Variants in AKAP13 observed in about 807,000 individuals in gnomAD.
AKAP13 encodes A-kinase anchor protein 13.
AKAP13 carries 80 observed loss-of-function variants against 264.5 expected under a neutral mutation model. The observed-to-expected ratio is 0.30, with a 90% CI of 0.25 to 0.36. The LOEUF (loss-of-function observed/expected upper bound fraction) is 0.36. Ranked by LOEUF, AKAP13 falls within the 10% of genes least tolerant of loss-of-function variation. AKAP13 has a pLI of 1.00. For synonymous variants in AKAP13, 1,380 were observed against 1,250.2 expected (o/e 1.10, Z -2.19); for missense variants, 3,712 against 3,435.2 (o/e 1.08, Z -2.01).
chr15:85,530,767 C>CCATCCATCCATCGTTCAT (rs1215052323), intron 3 of AKAP13, among the ~76,000 whole-genome samples: 1 of 152,204 alleles, frequency 6.6e-6, no homozygotes, highest in Non-Finnish European at 1.5e-5. Context: ...ACGTATCACT[C>CCATCCATCCATCGTTCAT]CATCCATCCA....
chr15:85,429,635 A>G (rs1478103206), intron 1 of AKAP13, among the ~76,000 whole-genome samples: 7 of 152,186 alleles, frequency 4.6e-5, no homozygotes. Flanking sequence ...CAGCCAACCA[A>G]CCAGCCAACC....
intron 16 of AKAP13, among the ~76,000 whole-genome samples, chr15:85,692,598 G>T (rs560892774): frequency 1.3e-5 from 2 of 152,172 alleles, no homozygotes; most frequent in East Asian, 3.9e-4. Flanking sequence ...ACCACTGTAC[G>T]GTTTTCCAGC....
At chr15:85,679,208 C>T (rs1335267921) in intron 14 of AKAP13, among the ~76,000 whole-genome samples, 1 of 151,864 alleles carries the variant, frequency 6.6e-6, no homozygotes, top group Non-Finnish European at 1.5e-5. Flanking sequence ...CCATTGCACT[C>T]CAGCCCAGGC....
At chr15:85,582,632 T>TG (rs1262658655) in intron 7 of AKAP13, among the ~76,000 whole-genome samples, 1 of 151,482 alleles carries the variant, frequency 6.6e-6, no homozygotes, top group Admixed American at 6.6e-5. Flanking sequence ...TCCAAAATGG[T>TG]GGTATTAGGT....
chr15:85,540,113 A>T (rs1342651959), intron 4 of AKAP13, among the ~76,000 whole-genome samples: 1 of 152,146 alleles, frequency 6.6e-6, no homozygotes, highest in Non-Finnish European at 1.5e-5. Flanking sequence ...GAGGGCTAAT[A>T]AGTCCAAAAT....
intron 17 of AKAP13, among the ~76,000 whole-genome samples, chr15:85,705,792 C>G (rs12593722): frequency 2.2e-5 from 3 of 137,168 alleles, no homozygotes; most frequent in Admixed American, 7.0e-5. Context: ...CTTTGTTTCC[C>G]TGCCCCATGC....
chr15:85,715,408 G>A (rs1364089733), intron 19 of AKAP13, among the ~76,000 whole-genome samples: 3 of 152,070 alleles, frequency 2.0e-5, no homozygotes, highest in Non-Finnish European at 2.9e-5. Flanking sequence ...ATCATTTCAC[G>A]AATATGCAGG....
Position 85,727,086 on chromosome 15 carries a change from C to T in AKAP13, c.6843C>T (p.Ile2281=), listed in dbSNP as rs773028657. ...TCCAGGACCAGAAGTCAACAGTGAT[C>T]TCTTTAAAGAAGCTGATTGTGAGAG... ...FASLDQKSTV[I]SLKKLIVREV... The change falls in exon 28 of 37, where the codon ATC becomes ATT. Residue 2281 remains isoleucine (I), a synonymous_variant. Transcript: ENST00000394518. This position sits in a 1 kb window ranked among gnomAD's most constrained non-coding sequence, Gnocchi z 5.3. 4 of 1,614,030 alleles carry T rather than the reference C, an allele frequency of 2.5e-6. No individual in the cohort carries two copies. Among genetic ancestry groups the T allele is most frequent in the Non-Finnish European group, 3.4e-6 (4 of 1,180,016 alleles).
chr15:85,522,289 G>A (rs1273855506), intron 3 of AKAP13, among the ~76,000 whole-genome samples: 1 of 152,118 alleles, frequency 6.6e-6, no homozygotes, highest in African/African-American at 2.4e-5. Flanking sequence ...GTTAAAGTTC[G>A]AGGGCTGTGT....
At chr15:85,568,336 A>G (rs2078684502) in intron 5 of AKAP13, among the ~76,000 whole-genome samples, 1 of 152,092 alleles carries the variant, frequency 6.6e-6, no homozygotes, top group Non-Finnish European at 1.5e-5. Flanking sequence ...GAGTAATATA[A>G]TAAGGAGGAG....
At chr15:85,530,149 G>T (rs563794756) in intron 3 of AKAP13, among the ~76,000 whole-genome samples, 80 of 152,252 alleles carry the variant, frequency 5.3e-4, no homozygotes, top group African/African-American at 1.9e-3. Flanking sequence ...GCATACTGTT[G>T]TTGCCAAGCA....
intron 1 of AKAP13, among the ~76,000 whole-genome samples, chr15:85,414,474 A>G (rs2072137228): frequency 6.6e-6 from 1 of 152,228 alleles, no homozygotes; most frequent in Admixed American, 6.5e-5. Flanking sequence ...CAAGGTTTCT[A>G]TACATACACA....
intron 5 of AKAP13, among the ~76,000 whole-genome samples, chr15:85,546,294 A>C (rs2077735666): frequency 6.8e-6 from 1 of 148,068 alleles, no homozygotes; most frequent in Non-Finnish European, 1.5e-5. Flanking sequence ...GTACCCCATA[A>C]ATAAATTTAT....
chr15:85,544,033 G>A (rs144675929), intron 5 of AKAP13, 78 bp downstream of exon 5: 4 of 1,531,382 alleles, frequency 2.6e-6, no homozygotes, highest in South Asian at 1.1e-5. Flanking sequence ...CACCCACTTG[G>A]CATCTCATTG....
At position 85,629,429 on chromosome 15, in the gene AKAP13, A is replaced by T. The variant is rs77129243; in HGVS notation, c.4162-9945A>T. Among the ~76,000 whole-genome samples, 191 of 152,246 alleles carry T rather than the reference A, an allele frequency of 1.3e-3. 3 individuals are homozygous for T. The East Asian group carries it at 0.032, about 25-fold the overall frequency. On this transcript the variant is annotated intron_variant, in intron 8 of 36. Transcript: ENST00000394518. The stretch of plus-strand genomic sequence containing the variant: ...GCTGTAATCCTCAGGGAGTCTCTCC[A>T]CTTTTTTCTTCAGAATCACTGAGGA...
At position 85,641,564 on chromosome 15, in the gene AKAP13, C is replaced by T. The variant is rs915315551; in HGVS notation, c.4237+2115C>T. 2.0e-5 allele frequency among the ~76,000 whole-genome samples: 3 copies of T among 151,736 alleles called. No individual in the cohort carries two copies. The East Asian group carries it at 5.9e-4, about 30-fold the overall frequency. On this transcript the variant is annotated intron_variant, in intron 9 of 36. Transcript: ENST00000394518. ...GCAGTGGCACAATCTCGGCTCACTG[C>T]AAGCTCCGCCTCCCAGGTTCACACC...
intron 10 of AKAP13, among the ~76,000 whole-genome samples, chr15:85,650,791 C>CAA (rs1191739643): frequency 3.1e-5 from 2 of 65,150 alleles, no homozygotes; most frequent in Admixed American, 1.8e-4. Context: ...AAAAAAAAAA[C>CAA]AACAAAAACT....
intron 13 of AKAP13, 39 bp from the exon 14 acceptor site, chr15:85,669,683 A>G: frequency 7.1e-7 from 1 of 1,401,584 alleles, no homozygotes; most frequent in South Asian, 1.2e-5. Flanking sequence ...ATATGAGAGT[A>G]TATGCTTACA....
At chr15:85,605,197 A>G (rs1426245662) in intron 8 of AKAP13, among the ~76,000 whole-genome samples, 3 of 152,236 alleles carry the variant, frequency 2.0e-5, no homozygotes, top group East Asian at 1.9e-4. Flanking sequence ...CTTTCATGAA[A>G]CTTCGTCTCG....
Sources: allele counts gnomAD v4.1 joint callset (sites outside exome capture counted in the v4.1 genomes callset), GRCh38; gene constraint gnomAD v4.1.1; non-coding constraint Gnocchi (gnomAD v3.1); transcripts MANE v1.5; gene names NCBI Gene and HGNC (gene_info 2026-07-23, HGNC 2026-07-21).